NEO1: variants seen among roughly 807,000 people sequenced by gnomAD.
NEO1 encodes the protein neogenin 1.
Under a neutral mutation model 159.7 loss-of-function variants are expected in NEO1, and 63 were observed. The ratio of observed to expected loss-of-function variants is 0.39; its 90% CI spans 0.32 to 0.49. The LOEUF (loss-of-function observed/expected upper bound fraction) is 0.49. Ranked by LOEUF, NEO1 falls within the 20% of genes least tolerant of loss-of-function variation. The pLI is 0.85. For missense variants in NEO1, 1,615 were observed against 1,831.0 expected (o/e 0.88, Z 2.15); for synonymous variants, 633 against 662.0 (o/e 0.96, Z 0.67).
chr15:73,100,301 T>C (rs2070327930), intron 1 of NEO1, among the ~76,000 whole-genome samples: 1 of 152,006 alleles, frequency 6.6e-6, no homozygotes, highest in Non-Finnish European at 1.5e-5. Flanking sequence ...TTTATTTCCT[T>C]CCCTGCCTTA....
chr15:73,146,044 C>G (rs1410704976), intron 5 of NEO1, among the ~76,000 whole-genome samples: 1 of 152,230 alleles, frequency 6.6e-6, no homozygotes, highest in Non-Finnish European at 1.5e-5. Context: ...ACTCCCTTGC[C>G]TGGCTTTCCT....
At chr15:73,282,369 GAC>G (rs1483010598) in intron 22 of NEO1, among the ~76,000 whole-genome samples, 1 of 152,162 alleles carries the variant, frequency 6.6e-6, no homozygotes, top group African/African-American at 2.4e-5. Flanking sequence ...AACAATGACT[GAC>G]ACATAGTAAC....
chr15:73,193,727 A>C (rs1483167819), intron 7 of NEO1, among the ~76,000 whole-genome samples: 1 of 151,300 alleles, frequency 6.6e-6, no homozygotes, highest in Non-Finnish European at 1.5e-5. Flanking sequence ...TTGAATCTGA[A>C]AGATTCTACA....
chr15:73,243,216 A>G (rs973353905), intron 8 of NEO1, among the ~76,000 whole-genome samples: 9 of 39,982 alleles, frequency 2.3e-4, no homozygotes, highest in Non-Finnish European at 1.1e-3. Context: ...ATTAAAATAA[A>G]GTAACTTAAA....
intron 1 of NEO1, among the ~76,000 whole-genome samples, chr15:73,112,438 T>G (rs2071053597): frequency 1.3e-5 from 2 of 152,214 alleles, no homozygotes; most frequent in Non-Finnish European, 2.9e-5. Context: ...AAATTTTTTT[T>G]TAATGCAATA....
At chr15:73,207,195 A>G (rs2037288988) in intron 7 of NEO1, among the ~76,000 whole-genome samples, 1 of 152,230 alleles carries the variant, frequency 6.6e-6, no homozygotes, top group African/African-American at 2.4e-5. Context: ...CATTTAGTTT[A>G]TGCCAGGAAA....
intron 25 of NEO1, among the ~76,000 whole-genome samples, chr15:73,291,016 A>G (rs927956193): frequency 2.0e-5 from 3 of 152,226 alleles, no homozygotes; most frequent in Non-Finnish European, 4.4e-5. Context: ...TTAACAGGTA[A>G]TTTCAGCTCA....
intron 1 of NEO1, among the ~76,000 whole-genome samples, chr15:73,057,852 A>G (rs1370181038): frequency 6.6e-6 from 1 of 152,166 alleles, no homozygotes; most frequent in Non-Finnish European, 1.5e-5. Flanking sequence ...TCTTTAAATC[A>G]TTTTATTTTA....
chr15:73,127,741 A>G (rs1479140335), intron 4 of NEO1, among the ~76,000 whole-genome samples: 2 of 152,230 alleles, frequency 1.3e-5, no homozygotes, highest in Non-Finnish European at 2.9e-5. Flanking sequence ...GTGATGTACC[A>G]GTTAATGTGA....
At chr15:73,298,667 T>A in intron 27 of NEO1, 56 bp downstream of exon 27, 1 of 1,597,938 alleles carries the variant, frequency 6.3e-7, no homozygotes, top group Non-Finnish European at 8.6e-7. Flanking sequence ...ACCCTTTGGC[T>A]CAAGCTTGGG....
intron 5 of NEO1, among the ~76,000 whole-genome samples, chr15:73,174,030 G>A (rs2035135375): frequency 6.6e-6 from 1 of 151,472 alleles, no homozygotes; most frequent in East Asian, 1.9e-4. Context: ...AACCTGTGAG[G>A]CGAAGATTGC....
chr15:73,238,037 T>C (rs573183253), intron 8 of NEO1, among the ~76,000 whole-genome samples: 42 of 152,218 alleles, frequency 2.8e-4, no homozygotes, highest in African/African-American at 9.9e-4. Context: ...TGTCACACAG[T>C]GGGGTATCAG....
In NEO1 at chr15:73,288,525, T is replaced by G. The variant is rs774094717; in HGVS notation, c.3623T>G (p.Ile1208Ser). 5.6e-6 allele frequency: 9 copies of G among 1,613,996 alleles called. No individual in the cohort carries two copies. Among genetic ancestry groups the G allele is most frequent in the Non-Finnish European group, 7.6e-6 (9 of 1,180,006 alleles). ...TPVDNSMDSN[I>S]HQRRNSYRGH... ...GTTGACAACTCCATGGACAGCAATA[T>G]CCATCAAAGGCGAAATTCATACAGA... is the stretch of plus-strand genomic sequence containing the variant. Residue 1208 changes from isoleucine to serine, a missense_variant, in exon 24 of 29, where the codon ATC becomes AGC. Physicochemically the swap from Ile to Ser is moderately radical, Grantham distance 142. Around this residue, in one of 3 missense-constraint regions of NEO1, gnomAD observed 471 missense variants for 498.9 expected, o/e 0.94. Transcript: ENST00000261908.
intron 1 of NEO1, among the ~76,000 whole-genome samples, chr15:73,078,457 A>G (rs922673905): frequency 7.9e-5 from 12 of 152,204 alleles, no homozygotes; most frequent in African/African-American, 2.4e-4. Flanking sequence ...GAGGAGCAGT[A>G]TAGGTGGCTG....
intron 19 of NEO1, 90 bp from the exon 20 acceptor site, chr15:73,273,721 T>C (rs1483697741): frequency 1.2e-6 from 1 of 860,942 alleles, no homozygotes; most frequent in Admixed American, 2.4e-5. Context: ...GCTATAATAT[T>C]CATATGATAT....
At chr15:73,292,039 C>G (rs1258608569) in intron 25 of NEO1, among the ~76,000 whole-genome samples, 1 of 152,132 alleles carries the variant, frequency 6.6e-6, no homozygotes, top group African/African-American at 2.4e-5. Context: ...TTGTTTTATT[C>G]CCGGGCACAA....
intron 1 of NEO1, among the ~76,000 whole-genome samples, chr15:73,055,444 C>G (rs1009397424): frequency 6.6e-6 from 1 of 152,102 alleles, no homozygotes; most frequent in Admixed American, 6.5e-5. Flanking sequence ...CCTTTTTCAG[C>G]ATTACTCTAT....
At chr15:73,225,559 G>T (rs1203778140) in intron 7 of NEO1, among the ~76,000 whole-genome samples, 1 of 152,054 alleles carries the variant, frequency 6.6e-6, no homozygotes, top group Non-Finnish European at 1.5e-5. Context: ...AGTCATGCAG[G>T]TTGTCAGGGA....
Position 73,093,701 on chromosome 15 carries a change from G to C in NEO1, c.131-22839G>C, listed in dbSNP as rs145261279. Among the ~76,000 whole-genome samples, 361 of 151,936 alleles carry C rather than the reference G, an allele frequency of 2.4e-3. 3 individuals are homozygous for C. Among genetic ancestry groups the C allele is most frequent in the African/African-American group, 7.5e-3 (309 of 41,442 alleles). On this transcript the variant is annotated intron_variant, in intron 1 of 28. Transcript: ENST00000261908. ...TGATCCTCCCACCTCAACCTCCCAAGTAGCTGGGACCACAGGCGTGCACTA... is the reference window on the plus strand; with the variant it reads ...TGATCCTCCCACCTCAACCTCCCAACTAGCTGGGACCACAGGCGTGCACTA...
Sources: allele counts gnomAD v4.1 joint callset (sites outside exome capture counted in the v4.1 genomes callset), GRCh38; gene constraint gnomAD v4.1.1; regional missense constraint gnomAD v4.1.1; transcripts MANE v1.5; gene names NCBI Gene and HGNC (gene_info 2026-07-23, HGNC 2026-07-21).